The following ADAMTS13 variants were observed in gnomAD, a reference collection of about 807,000 sequenced individuals.
ADAMTS13 encodes A disintegrin and metalloproteinase with thrombospondin motifs 13.
A neutral mutation model predicts 155.1 loss-of-function variants in ADAMTS13; 110 were observed. The observed-to-expected ratio is 0.71, with a 90% confidence interval of 0.61 to 0.83. The LOEUF (loss-of-function observed/expected upper bound fraction) is 0.83, where lower values mean the gene tolerates loss of function less well. ADAMTS13 is among the 40% of genes least tolerant of loss of function. The pLI, the probability that ADAMTS13 is intolerant of heterozygous loss-of-function variation, is 0.00. For missense variants in ADAMTS13, 1,707 were observed against 1,891.7 expected (o/e 0.90, Z 1.81); for synonymous variants, 758 against 756.4 (o/e 1.00, Z -0.03).
chr9:133,443,630 C>A (rs1841852474), intron 19 of ADAMTS13, 69 bp downstream of exon 19: 3 of 1,439,008 alleles, frequency 2.1e-6, no homozygotes, highest in Non-Finnish European at 2.7e-6. Flanking sequence ...GCTGAGCCCC[C>A]ATCCTTCTGA....
In ADAMTS13 at chr9:133,454,166, G is replaced by C. The variant is rs36222576; in HGVS notation, c.3045-249G>C. Among the ~76,000 whole-genome samples, 38,642 of 151,940 alleles carry C rather than the reference G, an allele frequency of 0.25. 6,105 individuals carry two copies. Among genetic ancestry groups the C allele is most frequent in the South Asian group, 0.37 (1,784 of 4,810 alleles). On this transcript the variant is annotated intron_variant, in intron 23 of 28. Transcript: ENST00000355699. ...TGCTGACAGGTGTTCTGTGATAAAG[G>C]CGACTAGAGGGGGATGTGCAATTAG...
chr9:133,455,195 TA>T, intron 24 of ADAMTS13, 89 bp from the exon 25 acceptor site: 1 of 1,397,046 alleles, frequency 7.2e-7, no homozygotes. Context: ...GTACAAGGAT[TA>T]TATTGGATCA....
In ADAMTS13 at chr9:133,448,850, G is replaced by C. The variant is rs1378620977; in HGVS notation, c.2861+122G>C. ...GTGCTGCTGGCTGTGCACTGTGTGA[G>C]GCTGGACCATGGCCGCCCCATCCCC... On this transcript the variant is annotated intron_variant, in intron 22 of 28. Coordinates refer to ENST00000355699, the MANE Select transcript of ADAMTS13 (RefSeq NM_139027.6). 4 of 1,458,724 alleles carry C rather than the reference G, an allele frequency of 2.7e-6. No individual in the cohort carries two copies. The Admixed American group carries it at 8.0e-5, about 29-fold the overall frequency. The allele number at this position is 1,458,724 out of a possible 1,614,324, so 90.4% of individuals were successfully genotyped here. A position where few individuals can be genotyped will look rare whatever the true frequency, so the allele number is the denominator to read the frequency against.
In ADAMTS13 at chr9:133,422,484, G is replaced by C. The variant is rs782679501; in HGVS notation, c.41G>C (p.Cys14Ser). 5 of 1,614,132 alleles carry C rather than the reference G, an allele frequency of 3.1e-6. No individual in the cohort carries two copies. The Admixed American group carries it at 5.0e-5, about 16-fold the overall frequency. ...CCCCGGGCAAGATGCCCTCCCCTCT[G>C]TGTGGCCGGAATCCTTGCCTGTGGC... is the stretch of plus-strand genomic sequence containing the variant. Reference protein sequence around the residue: ...RHPRARCPPLCVAGILACGFL... With the variant: ...RHPRARCPPLSVAGILACGFL... Residue 14 changes from cysteine to serine, a missense_variant, in exon 1 of 29, where the codon TGT becomes TCT. By Grantham distance (112) the Cys-to-Ser change is moderately radical (BLOSUM62 -1). Transcript: ENST00000355699.
At chr9:133,437,156 A>G (rs1232995325) in intron 12 of ADAMTS13, among the ~76,000 whole-genome samples, 1 of 152,124 alleles carries the variant, frequency 6.6e-6, no homozygotes, top group African/African-American at 2.4e-5. Context: ...TCTGAGTCTC[A>G]ATTTCCCATC....
chr9:133,426,296 G>A lies in ADAMTS13; in HGVS notation c.637G>A (p.Asp213Asn). Reference protein sequence around the residue: ...SPTWSCLITEDTGFDLGVTIA... With the variant: ...SPTWSCLITENTGFDLGVTIA... ...AACCTGGAGCTGCCTCATTACCGAGGACACTGGCTTCGACCTGGGAGTCAC... is the reference window on the plus strand; with the variant it reads ...AACCTGGAGCTGCCTCATTACCGAGAACACTGGCTTCGACCTGGGAGTCAC... Residue 213 changes from aspartate to asparagine, a missense_variant, in exon 6 of 29, where the codon GAC becomes AAC. Physicochemically the swap from Asp to Asn is conservative, Grantham distance 23. Coordinates refer to ENST00000355699, the MANE Select transcript of ADAMTS13 (RefSeq NM_139027.6). The A allele has an allele frequency of 6.2e-7, 1 of 1,608,108 alleles. No individual in the cohort carries two copies.
chr9:133,425,077 C>T lies in ADAMTS13; in HGVS notation c.331-452C>T, dbSNP rs942889100. ...CGGTGGCTCATGCCTATAATCCCAG[C>T]ACTTTGGGAGGCCAAGGCGGGTGGA... is the stretch of plus-strand genomic sequence containing the variant. On this transcript the variant is annotated intron_variant, in intron 3 of 28. Coordinates refer to ENST00000355699, the MANE Select transcript of ADAMTS13 (RefSeq NM_139027.6). This position sits in a 1 kb window ranked among gnomAD's most constrained non-coding sequence, Gnocchi z 4.6. 2.0e-5 allele frequency among the ~76,000 whole-genome samples: 3 copies of T among 152,220 alleles called. No homozygotes were observed. Among genetic ancestry groups the T allele is most frequent in the African/African-American group, 7.2e-5 (3 of 41,458 alleles).
Position 133,449,913 on chromosome 9 carries a change from C to T in ADAMTS13, c.2992C>T (p.Leu998=). The T allele has an allele frequency of 6.2e-7, 1 of 1,612,876 alleles. No individual in the cohort carries two copies. Among genetic ancestry groups the T allele is most frequent in the Admixed American group, 1.7e-5 (1 of 59,922 alleles). The change falls in exon 23 of 29, where the codon CTG becomes TTG. Residue 998 remains leucine, a synonymous_variant. Transcript: ENST00000355699. ...CCTGTTGGACACCCAGTGCCAGGGGCTGCCTCGCCCGGAACCCCAGGAGGC... is the reference window on the plus strand; with the variant it reads ...CCTGTTGGACACCCAGTGCCAGGGGTTGCCTCGCCCGGAACCCCAGGAGGC... ...EILLDTQCQG[L]PRPEPQEACS...
chr9:133,458,554 T>TAAAAAAA (rs1564448340), intron 28 of ADAMTS13, among the ~76,000 whole-genome samples: 1 of 7,638 alleles, frequency 1.3e-4, no homozygotes. Context: ...AGACTCTGTC[T>TAAAAAAA]CAAAAAAAAA....
At position 133,440,010 on chromosome 9, in the gene ADAMTS13, T is replaced by C. The variant is rs1383057141; in HGVS notation, c.1787-334T>C. Among the ~76,000 whole-genome samples the C allele has an allele frequency of 6.6e-6, 1 of 152,244 alleles. No individual in the cohort carries two copies. The highest frequency in any genetic ancestry group is 1.5e-5 in the Non-Finnish European group (1 of 68,038). Reference sequence around the variant, plus strand: ...CCAACAGCAAAAGCTGGACTTCTCTTTGGGCAAGGCCCGCTTCTTTGCTAT... The same window carrying C: ...CCAACAGCAAAAGCTGGACTTCTCTCTGGGCAAGGCCCGCTTCTTTGCTAT... On this transcript the variant is annotated intron_variant, in intron 15 of 28. Transcript: ENST00000355699. The surrounding 1 kb of genome is among the most constrained non-coding windows in gnomAD (Gnocchi z 4.3).
chr9:133,432,143 T>C (rs1439430530), intron 8 of ADAMTS13, among the ~76,000 whole-genome samples: 1 of 152,138 alleles, frequency 6.6e-6, no homozygotes, highest in Non-Finnish European at 1.5e-5. Flanking sequence ...CGCATGCCTG[T>C]AATCCCAGCT....
intron 21 of ADAMTS13, among the ~76,000 whole-genome samples, chr9:133,446,153 T>C (rs1233183842): frequency 1.3e-5 from 2 of 152,204 alleles, no homozygotes; most frequent in African/African-American, 4.8e-5. Context: ...TTCTTCTATT[T>C]TCCCAATCTT....
chr9:133,416,165 G>A (rs1839586687), intron 1 of ADAMTS13, among the ~76,000 whole-genome samples: 1 of 152,120 alleles, frequency 6.6e-6, no homozygotes, highest in South Asian at 2.1e-4. Flanking sequence ...AAGGTGAAGG[G>A]GGAGCAGGTG....
At position 133,448,672 on chromosome 9, in the gene ADAMTS13, GGC is replaced by G; in HGVS notation, c.2806_2807del (p.Ala936LysfsTer51). On this transcript the variant is annotated frameshift_variant, in exon 22 of 29. Coordinates refer to ENST00000355699, the MANE Select transcript of ADAMTS13 (RefSeq NM_139027.6). LOFTEE classifies it high-confidence loss of function. ...CTGTCCAGGAAGAGCTGTGTGGCCT[GGC>G]AAGCAAGCCTGGGAGCCGGCGGGAG... ...VPVQEELCGL[A>X]SKPGSRREVC... 1.2e-6 allele frequency: 2 copies of G among 1,607,708 alleles called. No homozygotes were observed. Among genetic ancestry groups the G allele is most frequent in the Non-Finnish European group, 8.5e-7 (1 of 1,179,984 alleles).
rs1554784945 is a variant in ADAMTS13, at chr9:133,425,346, C to CA, written c.331-181dup. On this transcript the variant is annotated intron_variant, in intron 3 of 28. Transcript: ENST00000355699. This position sits in a 1 kb window ranked among gnomAD's most constrained non-coding sequence, Gnocchi z 4.6. Reference sequence around the variant, plus strand: ...CCTTCCTGAGCCATGAGCTGAGGAGCAACAGAGGCACGGCTGACTGTGCAG... The same window carrying CA: ...CCTTCCTGAGCCATGAGCTGAGGAGCAAACAGAGGCACGGCTGACTGTGCAG... Among the ~76,000 whole-genome samples the CA allele has an allele frequency of 6.6e-6, 1 of 152,188 alleles. No homozygotes were observed. Among genetic ancestry groups the CA allele is most frequent in the African/African-American group, 2.4e-5 (1 of 41,456 alleles).
At chr9:133,454,111 G>T (rs1842601869) in intron 23 of ADAMTS13, among the ~76,000 whole-genome samples, 1 of 152,132 alleles carries the variant, frequency 6.6e-6, no homozygotes, top group African/African-American at 2.4e-5. Flanking sequence ...TCCTGTTGCT[G>T]TTACTTGGGT....
At chr9:133,415,756 C>T (rs1839555439) in intron 1 of ADAMTS13, 1 of 152,224 alleles carries the variant, frequency 6.6e-6, no homozygotes, top group Non-Finnish European at 1.5e-5. Context: ...CCCTTCCATT[C>T]ACTTATTTTG....
chr9:133,453,968 C>T (rs1462581829), intron 23 of ADAMTS13, among the ~76,000 whole-genome samples: 2 of 152,170 alleles, frequency 1.3e-5, no homozygotes, highest in Middle Eastern at 3.4e-3. Context: ...CTGAAGAATG[C>T]GGGCCATAAT....
intron 28 of ADAMTS13, 41 bp downstream of exon 28, chr9:133,458,135 G>A: frequency 6.2e-7 from 1 of 1,605,612 alleles, no homozygotes; most frequent in Non-Finnish European, 8.5e-7. Context: ...ATTCTGGACA[G>A]CTTTCCCTAG....
Sources: gnomAD v4.1 joint callset for allele counts (sites outside exome capture counted in the v4.1 genomes callset) on GRCh38, gnomAD v4.1.1 for gene constraint, Gnocchi (gnomAD v3.1) non-coding constraint, MANE v1.5 for transcripts, NCBI Gene and HGNC (gene_info 2026-07-23, HGNC 2026-07-21) for gene names.